The following MMP7 variants were observed in gnomAD, a reference collection of about 807,000 sequenced individuals.
The protein encoded by MMP7 is matrix metallopeptidase 7, also known as matrilysin.
Under a neutral mutation model 31.5 loss-of-function variants are expected in MMP7, and 26 were observed. The observed-to-expected ratio is 0.83, with a 90% CI of 0.61 to 1.15. The LOEUF (loss-of-function observed/expected upper bound fraction) is 1.15. Among genes scored for constraint, MMP7 ranks in the 50% most tolerant of loss-of-function variants. The pLI is 0.00. For missense variants in MMP7, 367 were observed against 326.5 expected (o/e 1.12, Z -0.96); for synonymous variants, 142 against 124.2 (o/e 1.14, Z -0.95).
At position 102,530,209 on chromosome 11, in the gene MMP7, G is replaced by A. The variant is rs537989555; in HGVS notation, c.108+384C>T. Among the ~76,000 whole-genome samples the A allele has an allele frequency of 7.9e-5, 12 of 152,264 alleles. No homozygotes were observed. The East Asian group carries it at 1.7e-3, about 22-fold the overall frequency. ...GTATACTATAGAAAAAGAATCTCAA[G>A]TTATAATAAATAAAAATAAGAACTT... On this transcript the variant is annotated intron_variant, in intron 1 of 5. Coordinates refer to ENST00000260227, the MANE Select transcript of MMP7 (RefSeq NM_002423.5).
intron 5 of MMP7, 30 bp from the exon 6 acceptor site, chr11:102,520,834 A>G (rs1858605278): frequency 1.4e-6 from 2 of 1,458,678 alleles, no homozygotes; most frequent in Non-Finnish European, 9.4e-7. Flanking sequence ...GAACATTCTG[A>G]TATGTAGAAA....
At chr11:102,520,879 A>C in intron 5 of MMP7, 75 bp from the exon 6 acceptor site, 1 of 961,582 alleles carries the variant, frequency 1.0e-6, no homozygotes, top group Non-Finnish European at 1.6e-6. Context: ...ATACAGGCAA[A>C]GGAAATGTCA....
In MMP7 at chr11:102,525,149, G is replaced by A. The variant is rs972899716; in HGVS notation, c.485-85C>T. 2.7e-6 allele frequency: 4 copies of A among 1,496,288 alleles called. No homozygotes were observed. The South Asian group carries it at 5.4e-5, about 20-fold the overall frequency. 92.7% of individuals were successfully genotyped at this position (1,496,288 alleles called of 1,614,324 possible). A position where few individuals can be genotyped will look rare whatever the true frequency, so the allele number is the denominator to read the frequency against. ...ATTTTTCAGTTTATACGATTATTGAGGCTAGAAAAAGCAGCCCAGTCCAGG... is the reference window on the plus strand; with the variant it reads ...ATTTTTCAGTTTATACGATTATTGAAGCTAGAAAAAGCAGCCCAGTCCAGG... On this transcript the variant is annotated intron_variant, in intron 3 of 5. Transcript: ENST00000260227.
chr11:102,530,103 C>G (rs185744730), intron 1 of MMP7, among the ~76,000 whole-genome samples: 287 of 152,240 alleles, frequency 1.9e-3, no homozygotes, highest in African/African-American at 6.6e-3. Context: ...TGTTTTCTGA[C>G]TTCAGATATC....
chr11:102,527,437 T>G (rs1858684040), intron 3 of MMP7, 87 bp downstream of exon 3: 12 of 1,484,026 alleles, frequency 8.1e-6, no homozygotes, highest in Non-Finnish European at 1.1e-5. Flanking sequence ...CATTAAAGGA[T>G]TTTAATCTTC....
Position 102,526,996 on chromosome 11 carries a change from G to A in MMP7, c.484+528C>T, listed in dbSNP as rs187404052. ...ATGTAGCCTAGGTGGATAGTGGGCT[G>A]TATCACCTGGGTTTGTGTAAGTGTA... On this transcript the variant is annotated intron_variant, in intron 3 of 5. Coordinates refer to ENST00000260227, the MANE Select transcript of MMP7 (RefSeq NM_002423.5). 3.0e-5 allele frequency: 5 copies of A among 165,072 alleles called. No homozygotes were observed. The East Asian group carries it at 5.2e-4, about 17-fold the overall frequency. 10.2% of individuals were successfully genotyped at this position (165,072 alleles called of 1,614,324 possible).
Position 102,527,406 on chromosome 11 carries a change from A to C in MMP7, c.484+118T>G, listed in dbSNP as rs781526222. On this transcript the variant is annotated intron_variant, in intron 3 of 5. Coordinates refer to ENST00000260227, the MANE Select transcript of MMP7 (RefSeq NM_002423.5). Reference sequence around the variant, plus strand: ...ATATTGCTAAATCTATCTATTAACTATCTATCTACCAATCATATCTCATTA... The same window carrying C: ...ATATTGCTAAATCTATCTATTAACTCTCTATCTACCAATCATATCTCATTA... 3.3e-6 allele frequency: 4 copies of C among 1,210,108 alleles called. No individual in the cohort carries two copies. In the East Asian group the frequency reaches 9.3e-5, roughly 28 times the overall value. The allele number at this position is 1,210,108 out of a possible 1,614,324, so 75.0% of individuals were successfully genotyped here. A position where few individuals can be genotyped will look rare whatever the true frequency, so the allele number is the denominator to read the frequency against.
intron 3 of MMP7, 177 bp downstream of exon 3, chr11:102,527,347 G>T: frequency 1.4e-6 from 1 of 737,756 alleles, no homozygotes; most frequent in Non-Finnish European, 2.1e-6. Flanking sequence ...TATAAAAAGT[G>T]GCTCTATATT....
intron 5 of MMP7, among the ~76,000 whole-genome samples, chr11:102,521,873 G>T (rs1205818725): frequency 6.6e-6 from 1 of 152,202 alleles, no homozygotes; most frequent in African/African-American, 2.4e-5. Flanking sequence ...TTTTGTTCAT[G>T]ATAACTTTAC....
intron 3 of MMP7, among the ~76,000 whole-genome samples, chr11:102,526,238 ATATT>A (rs1591592909): frequency 5.3e-5 from 7 of 130,902 alleles, no homozygotes; most frequent in East Asian, 2.3e-4. Flanking sequence ...ATATATATAT[ATATT>A]TTTTTTTTTT....
At chr11:102,525,516 C>T (rs1996352) in intron 3 of MMP7, among the ~76,000 whole-genome samples, 122,815 of 151,814 alleles carry the variant, frequency 0.81, 50,253 homozygotes, top group African/African-American at 0.93. Flanking sequence ...GTCGGTTGCA[C>T]TCACAGGGTA....
rs574696378 is a variant in MMP7, at chr11:102,523,206, G to A, written c.775+34C>T. 1.2e-4 allele frequency: 178 copies of A among 1,528,058 alleles called. 1 individual carries two copies. Among genetic ancestry groups the A allele is most frequent in the Middle Eastern group, 8.7e-4 (5 of 5,732 alleles). The allele number at this position is 1,528,058 out of a possible 1,614,324, so 94.7% of individuals were successfully genotyped here. Reference sequence around the variant, plus strand: ...TCCTACCCCACTCTAAAAAGAAAATGGGAAATCCTCTTATTTGAAATAATA... The same window carrying A: ...TCCTACCCCACTCTAAAAAGAAAATAGGAAATCCTCTTATTTGAAATAATA... On this transcript the variant is annotated intron_variant, in intron 5 of 5. Transcript: ENST00000260227.
In MMP7 at chr11:102,528,513, C is replaced by G. The variant is rs558805077; in HGVS notation, c.109-530G>C. On this transcript the variant is annotated intron_variant, in intron 1 of 5. Coordinates refer to ENST00000260227, the MANE Select transcript of MMP7 (RefSeq NM_002423.5). ...TAATAATCCGGTGAAGGAACCAAAG[C>G]TTATAGCAACTAAATGATTTATGTG... 9.9e-5 allele frequency among the ~76,000 whole-genome samples: 15 copies of G among 152,272 alleles called. No individual in the cohort carries two copies. In the South Asian group the frequency reaches 3.1e-3, roughly 32 times the overall value.
At chr11:102,529,020 T>C (rs1272582907) in intron 1 of MMP7, among the ~76,000 whole-genome samples, 2 of 152,202 alleles carry the variant, frequency 1.3e-5, no homozygotes, top group East Asian at 1.9e-4. Context: ...GGAACCAGTA[T>C]TTGAACTCAA....
At chr11:102,521,208 T>C (rs1203776188) in intron 5 of MMP7, among the ~76,000 whole-genome samples, 2 of 152,232 alleles carry the variant, frequency 1.3e-5, no homozygotes, top group African/African-American at 2.4e-5. Flanking sequence ...ATTATTTATT[T>C]ATTTTTTGAG....
chr11:102,529,918 A>G (rs1363717172), intron 1 of MMP7, among the ~76,000 whole-genome samples: 3 of 152,206 alleles, frequency 2.0e-5, no homozygotes, highest in African/African-American at 7.2e-5. Flanking sequence ...ATAATCTACA[A>G]TTGTTACATA....
At chr11:102,524,863 A>G in intron 4 of MMP7, 73 bp downstream of exon 4, 1 of 1,496,386 alleles carries the variant, frequency 6.7e-7, no homozygotes, top group South Asian at 1.4e-5. Flanking sequence ...ATAAATTAAT[A>G]TAATTATTTA....
chr11:102,526,151 C>T (rs1007262206), intron 3 of MMP7, among the ~76,000 whole-genome samples: 4 of 149,220 alleles, frequency 2.7e-5, no homozygotes, highest in East Asian at 1.9e-4. Context: ...TACATATATA[C>T]ACACACACAC....
rs563576271 is a variant in MMP7, at chr11:102,520,730, A to G, written c.*46T>C. The G allele has an allele frequency of 5.5e-6, 8 of 1,449,802 alleles. No individual in the cohort carries two copies. The highest frequency in any genetic ancestry group is 1.2e-5 in the South Asian group (1 of 84,980). 89.8% of individuals were successfully genotyped at this position (1,449,802 alleles called of 1,614,324 possible). A position where few individuals can be genotyped will look rare whatever the true frequency, so the allele number is the denominator to read the frequency against. ...TATCAATTCTGATTGTGCAACAATGATATACAATCCAATGAATGAATGAAT... is the reference window on the plus strand; with the variant it reads ...TATCAATTCTGATTGTGCAACAATGGTATACAATCCAATGAATGAATGAAT... On this transcript the variant is annotated 3_prime_UTR_variant, in exon 6 of 6. Coordinates refer to ENST00000260227, the MANE Select transcript of MMP7 (RefSeq NM_002423.5).
Sources: gnomAD v4.1 joint callset for allele counts (sites outside exome capture counted in the v4.1 genomes callset) on GRCh38, gnomAD v4.1.1 for gene constraint, MANE v1.5 for transcripts, NCBI Gene and HGNC (gene_info 2026-07-23, HGNC 2026-07-21) for gene names.